Variants in ETV1 observed in about 807,000 individuals in gnomAD.
ETV1 encodes ETS variant transcription factor 1.
ETV1 carries 27 observed loss-of-function variants against 62.3 expected under a neutral mutation model. That is an observed-to-expected ratio of 0.43 (90% CI 0.32 to 0.60). ETV1 has a LOEUF of 0.60. Among genes scored for constraint, ETV1 ranks in the 20% least tolerant of loss-of-function variants. The pLI, the probability that ETV1 is intolerant of heterozygous loss-of-function variation, is 0.06. For synonymous variants in ETV1, 222 were observed against 199.6 expected (o/e 1.11, Z -0.94); for missense variants, 605 against 605.8 (o/e 1.00, Z 0.01).
chr7:13,938,339 G>C (rs2128458565), intron 7 of ETV1, among the ~76,000 whole-genome samples: 1 of 152,302 alleles, frequency 6.6e-6, no homozygotes, highest in South Asian at 2.1e-4. Flanking sequence ...GGGTCATAAT[G>C]TACAATGAAT....
chr7:13,896,254 T>C (rs1304303040), intron 13 of ETV1, among the ~76,000 whole-genome samples, 167 bp from the exon 14 acceptor site: 2 of 152,106 alleles, frequency 1.3e-5, no homozygotes, highest in Non-Finnish European at 2.9e-5. Context: ...AAAAAGTCTT[T>C]ACTTTGTGGA....
chr7:13,966,362 G>T (rs999490685), intron 6 of ETV1, among the ~76,000 whole-genome samples: 2 of 152,128 alleles, frequency 1.3e-5, no homozygotes, highest in South Asian at 2.1e-4. Context: ...TCCGGGTGTG[G>T]TGGCTCACAC....
At chr7:13,909,611 G>C in intron 11 of ETV1, 21 bp downstream of exon 11, 1 of 1,594,160 alleles carries the variant, frequency 6.3e-7, no homozygotes, top group Non-Finnish European at 8.6e-7. Flanking sequence ...ATCAGAACTT[G>C]AGGCAAAGTG....
intron 9 of ETV1, among the ~76,000 whole-genome samples, chr7:13,920,916 A>G (rs1490995449): frequency 2.0e-5 from 3 of 152,230 alleles, no homozygotes; most frequent in Non-Finnish European, 4.4e-5. Flanking sequence ...CTATTGCAAT[A>G]ACAAAATCAA....
At chr7:13,957,900 C>T (rs2128479234) in intron 6 of ETV1, among the ~76,000 whole-genome samples, 1 of 152,334 alleles carries the variant, frequency 6.6e-6, no homozygotes, top group African/African-American at 2.4e-5. Flanking sequence ...GCAAAACAAT[C>T]CTATGATCAC....
chr7:13,943,311 G>A lies in ETV1; in HGVS notation c.236-4065C>T, dbSNP rs562225405. Among the ~76,000 whole-genome samples, 3 of 152,296 alleles carry A rather than the reference G, an allele frequency of 2.0e-5. No individual in the cohort carries two copies. In the South Asian group the frequency reaches 6.2e-4, roughly 32 times the overall value. On this transcript the variant is annotated intron_variant, in intron 6 of 13. Transcript: ENST00000430479. The stretch of plus-strand genomic sequence containing the variant: ...CACATGAGATTATCACTATATAGCT[G>A]TATCAGATAGTTACAGATATCACTA...
At chr7:13,970,757 A>G (rs1780818385) in intron 6 of ETV1, among the ~76,000 whole-genome samples, 1 of 152,170 alleles carries the variant, frequency 6.6e-6, no homozygotes, top group Non-Finnish European at 1.5e-5. Flanking sequence ...GTAACTTAGT[A>G]AAAAGGCAGG....
rs151215750 is a variant in ETV1 at position 13,946,683 on chromosome 7, T to C, written c.236-7437A>G. On this transcript the variant is annotated intron_variant, in intron 6 of 13. Coordinates refer to ENST00000430479, the MANE Select transcript of ETV1 (RefSeq NM_004956.5). ...AAAAGCAACAATGCTGGTATACAAC[T>C]ACAGCTTTGGTTGAGGGTAGATACA... Among the ~76,000 whole-genome samples, 13 of 152,340 alleles carry C rather than the reference T, an allele frequency of 8.5e-5. No individual in the cohort carries two copies. The East Asian group carries it at 2.3e-3, about 27-fold the overall frequency.
chr7:13,970,291 C>A lies in ETV1; in HGVS notation c.235+7136G>T, dbSNP rs1197007030. Among the ~76,000 whole-genome samples, 100 of 147,278 alleles carry A rather than the reference C, an allele frequency of 6.8e-4. 2 individuals carry two copies. The highest frequency in any genetic ancestry group is 2.4e-3 in the African/African-American group (95 of 39,652). On this transcript the variant is annotated intron_variant, in intron 6 of 13. Coordinates refer to ENST00000430479, the MANE Select transcript of ETV1 (RefSeq NM_004956.5). ...ACACACACACACACACACACACACA[C>A]ACACACACACACACACACACACACA...
intron 13 of ETV1, among the ~76,000 whole-genome samples, chr7:13,900,056 G>A (rs1457522760): frequency 6.6e-6 from 1 of 152,166 alleles, no homozygotes; most frequent in African/African-American, 2.4e-5. Flanking sequence ...TTGAACCTGG[G>A]GGACTGAGGT....
Position 13,892,040 on chromosome 7 carries a change from T to C in ETV1, c.*3826A>G. ...ATTCTGTAGCTTCTGGCAATATATTTCTTTCCTGGTTATATAAAGATAAGT... is the reference window on the plus strand; with the variant it reads ...ATTCTGTAGCTTCTGGCAATATATTCCTTTCCTGGTTATATAAAGATAAGT... On this transcript the variant is annotated 3_prime_UTR_variant, in exon 14 of 14. Transcript: ENST00000430479. 1 of 232,120 alleles carries C rather than the reference T, an allele frequency of 4.3e-6. No individual in the cohort carries two copies. Among genetic ancestry groups the C allele is most frequent in the Non-Finnish European group, 8.5e-6 (1 of 117,392 alleles). 14.4% of individuals were successfully genotyped at this position (232,120 alleles called of 1,614,324 possible). A position where few individuals can be genotyped will look rare whatever the true frequency, so the allele number is the denominator to read the frequency against.
chr7:13,904,924 C>A (rs527661361), intron 12 of ETV1, among the ~76,000 whole-genome samples: 2 of 148,830 alleles, frequency 1.3e-5, no homozygotes, highest in African/African-American at 5.0e-5. Flanking sequence ...TAATTTTAAA[C>A]ACACTACAGC....
chr7:13,898,650 A>G (rs554291194), intron 13 of ETV1, among the ~76,000 whole-genome samples: 245 of 152,316 alleles, frequency 1.6e-3, no homozygotes, highest in African/African-American at 5.7e-3. Flanking sequence ...CTAATTTTCT[A>G]TATTATATAC....
chr7:13,975,325 T>A (rs1406657763), intron 6 of ETV1, among the ~76,000 whole-genome samples: 1 of 151,780 alleles, frequency 6.6e-6, no homozygotes, highest in African/African-American at 2.4e-5. Context: ...GGCGGGCGGA[T>A]CACGAGGTCA....
intron 13 of ETV1, among the ~76,000 whole-genome samples, chr7:13,896,830 G>A (rs749992311): frequency 6.6e-6 from 1 of 151,696 alleles, no homozygotes; most frequent in African/African-American, 2.4e-5. Context: ...TGGATCAAAA[G>A]GACAGTATCC....
intron 6 of ETV1, among the ~76,000 whole-genome samples, chr7:13,942,020 C>CTTTTT (rs560415338): frequency 9.0e-5 from 9 of 99,750 alleles, no homozygotes; most frequent in Admixed American, 2.2e-4. Flanking sequence ...CCATGCATTT[C>CTTTTT]TTTTTTTTTT....
intron 6 of ETV1, among the ~76,000 whole-genome samples, chr7:13,958,106 A>G (rs1455362307): frequency 6.6e-6 from 1 of 152,180 alleles, no homozygotes; most frequent in African/African-American, 2.4e-5. Flanking sequence ...ACTGACATAA[A>G]ATTTCTGGTA....
intron 4 of ETV1, 40 bp downstream of exon 4, chr7:13,988,046 A>G: frequency 9.2e-7 from 1 of 1,091,224 alleles, no homozygotes; most frequent in Non-Finnish European, 1.4e-6. Context: ...TGGAGAGTGT[A>G]GGTAAAAAAA....
intron 12 of ETV1, among the ~76,000 whole-genome samples, chr7:13,903,352 T>A (rs1333154518): frequency 1.3e-5 from 2 of 152,200 alleles, no homozygotes; most frequent in Non-Finnish European, 2.9e-5. Context: ...ACACTGAACC[T>A]GATAACAACA....
Sources: allele counts gnomAD v4.1 joint callset (sites outside exome capture counted in the v4.1 genomes callset), GRCh38; gene constraint gnomAD v4.1.1; transcripts MANE v1.5; gene names NCBI Gene and HGNC (gene_info 2026-07-23, HGNC 2026-07-21).